Variants in EFL1 observed in about 807,000 individuals in gnomAD.
EFL1 encodes elongation factor-like GTPase 1.
In EFL1, 76 loss-of-function variants were observed where a neutral mutation model predicts 126.7. The ratio of observed to expected loss-of-function variants is 0.60; its 90% CI spans 0.50 to 0.73. EFL1 has a LOEUF of 0.73. Ranked by LOEUF, EFL1 falls within the 30% of genes least tolerant of loss-of-function variation. The pLI is 0.00. For missense variants in EFL1, 1,128 were observed against 1,343.2 expected (o/e 0.84, Z 2.50); for synonymous variants, 410 against 448.4 (o/e 0.91, Z 1.08).
At chr15:82,130,945 G>A (rs28692940) in intron 19 of EFL1, among the ~76,000 whole-genome samples, 13,310 of 152,122 alleles carry the variant, frequency 0.087, 814 homozygotes, top group East Asian at 0.31. Context: ...AACTCGGGAG[G>A]CAGAAGTTGC....
intron 4 of EFL1, among the ~76,000 whole-genome samples, chr15:82,247,996 T>C (rs4778988): frequency 0.27 from 40,568 of 151,938 alleles, 5,934 homozygotes; most frequent in Non-Finnish European, 0.31. Flanking sequence ...CAAGTGAATA[T>C]GCTGGAAATG....
chr15:82,225,834 T>G (rs532112060), intron 11 of EFL1, among the ~76,000 whole-genome samples: 8 of 152,356 alleles, frequency 5.3e-5, no homozygotes, highest in African/African-American at 1.9e-4. Context: ...AATTTCATAT[T>G]AACATATGAA....
chr15:82,153,018 T>C (rs2073930182), intron 17 of EFL1, among the ~76,000 whole-genome samples: 1 of 152,242 alleles, frequency 6.6e-6, no homozygotes, highest in Non-Finnish European at 1.5e-5. Context: ...GAAATGTGGC[T>C]AGTACAGCTG....
At chr15:82,214,884 G>A in intron 14 of EFL1, 29 bp from the exon 15 acceptor site, 1 of 1,591,470 alleles carries the variant, frequency 6.3e-7, no homozygotes, top group Non-Finnish European at 8.5e-7. Flanking sequence ...TGGAAGACAA[G>A]TTAGGAGGCA....
At chr15:82,234,483 C>G (rs1226332663) in intron 7 of EFL1, among the ~76,000 whole-genome samples, 1 of 152,054 alleles carries the variant, frequency 6.6e-6, no homozygotes, top group Non-Finnish European at 1.5e-5. Flanking sequence ...ATTTATTTAG[C>G]TCTAGTATCA....
At chr15:82,259,239 A>C in intron 2 of EFL1, 84 bp from the exon 3 acceptor site, 1 of 1,251,790 alleles carries the variant, frequency 8.0e-7, no homozygotes, top group South Asian at 1.3e-5. Flanking sequence ...AAATCTGGTC[A>C]TAAGAATTGG....
At chr15:82,207,325 A>G (rs557499962) in intron 15 of EFL1, among the ~76,000 whole-genome samples, 1 of 142,758 alleles carries the variant, frequency 7.0e-6, no homozygotes, top group South Asian at 2.1e-4. Context: ...CACATATAAC[A>G]TATATAGATA....
chr15:82,154,078 C>A (rs554717124), intron 17 of EFL1, among the ~76,000 whole-genome samples: 6 of 152,264 alleles, frequency 3.9e-5, no homozygotes, highest in South Asian at 4.1e-4. Flanking sequence ...ATTCCTGAGG[C>A]TCCCAAGAAG....
intron 3 of EFL1, among the ~76,000 whole-genome samples, chr15:82,256,338 A>G (rs1409016205): frequency 6.6e-6 from 1 of 152,186 alleles, no homozygotes; most frequent in African/African-American, 2.4e-5. Flanking sequence ...TTACCTATTT[A>G]TTGCTCACGT....
At chr15:82,246,977 G>A (rs147573833) in intron 4 of EFL1, among the ~76,000 whole-genome samples, 3 of 152,232 alleles carry the variant, frequency 2.0e-5, no homozygotes, top group African/African-American at 7.2e-5. Context: ...TAGAGAATTA[G>A]CTTTATCAAG....
chr15:82,201,271 C>T (rs1875528060), intron 15 of EFL1, among the ~76,000 whole-genome samples: 1 of 152,088 alleles, frequency 6.6e-6, no homozygotes, highest in African/African-American at 2.4e-5. Flanking sequence ...TTTGGGAGGC[C>T]CAGTCCTTAG....
In EFL1 at chr15:82,259,034, A is replaced by G. The variant is rs1008793113; in HGVS notation, c.159+54T>C. On this transcript the variant is annotated intron_variant, in intron 3 of 19. Coordinates refer to ENST00000268206, the MANE Select transcript of EFL1 (RefSeq NM_024580.6). Reference sequence around the variant, plus strand: ...AAGAACACAGAAAATGGTTCATCACATTGTTGATAGCTAATACTGAAATGC... The same window carrying G: ...AAGAACACAGAAAATGGTTCATCACGTTGTTGATAGCTAATACTGAAATGC... 41 of 1,501,714 alleles carry G rather than the reference A, an allele frequency of 2.7e-5. 1 individual carries two copies. Among genetic ancestry groups the G allele is most frequent in the Non-Finnish European group, 3.8e-5 (41 of 1,079,646 alleles). 93.0% of individuals were successfully genotyped at this position (1,501,714 alleles called of 1,614,324 possible).
chr15:82,138,575 GTT>G, intron 19 of EFL1, 81 bp downstream of exon 19: 3 of 1,506,846 alleles, frequency 2.0e-6, no homozygotes, highest in Non-Finnish European at 2.7e-6. Flanking sequence ...CATGATCTGT[GTT>G]GTTTGCTACT....
chr15:82,209,316 G>GACACACACACACACACACACACAC (rs57128885), intron 15 of EFL1, among the ~76,000 whole-genome samples: 91 of 146,332 alleles, frequency 6.2e-4, no homozygotes, highest in African/African-American at 2.2e-3. Context: ...CACAGACACA[G>GACACACACACACACACACACACAC]ACACACACAC....
intron 6 of EFL1, among the ~76,000 whole-genome samples, chr15:82,239,895 A>G (rs1224855287): frequency 6.6e-6 from 1 of 152,106 alleles, no homozygotes; most frequent in East Asian, 1.9e-4. Flanking sequence ...CTATGCTGTT[A>G]TATCACACCC....
Position 82,262,598 on chromosome 15 carries a change from G to T in EFL1, c.-20+16C>A. On this transcript the variant is annotated intron_variant, in intron 1 of 19. Transcript: ENST00000268206. ...GGCCTAGGAGGTTCCAGCCCCCAGC[G>T]CCAGCCCACACTCACCGGCTGCAGC... 1 of 362,706 alleles carries T rather than the reference G, an allele frequency of 2.8e-6. No individual in the cohort carries two copies. 22.5% of individuals were successfully genotyped at this position (362,706 alleles called of 1,614,324 possible). A position where few individuals can be genotyped will look rare whatever the true frequency, so the allele number is the denominator to read the frequency against.
chr15:82,182,824 CA>C (rs60825600), intron 15 of EFL1, among the ~76,000 whole-genome samples: 12,547 of 136,114 alleles, frequency 0.092, 863 homozygotes, highest in African/African-American at 0.2. Flanking sequence ...GACTCCGTCT[CA>C]AAAAAAAAAA....
At chr15:82,244,735 C>T (rs1398587845) in intron 4 of EFL1, among the ~76,000 whole-genome samples, 1 of 152,124 alleles carries the variant, frequency 6.6e-6, no homozygotes, top group South Asian at 2.1e-4. Flanking sequence ...TTTAAAGTGC[C>T]ATGGATAATT....
chr15:82,201,481 C>T (rs1394512339), intron 15 of EFL1, among the ~76,000 whole-genome samples: 3 of 152,168 alleles, frequency 2.0e-5, no homozygotes, highest in Admixed American at 6.5e-5. Flanking sequence ...GAAGAATCTA[C>T]GTGCTTGCAA....
Sources: gnomAD v4.1 joint callset for allele counts (sites outside exome capture counted in the v4.1 genomes callset) on GRCh38, gnomAD v4.1.1 for gene constraint, MANE v1.5 for transcripts, NCBI Gene and HGNC (gene_info 2026-07-23, HGNC 2026-07-21) for gene names.